Variants in EZH2 observed in about 807,000 individuals in gnomAD.
The protein encoded by EZH2 is histone-lysine N-methyltransferase EZH2.
EZH2 carries 18 observed loss-of-function variants against 98.4 expected under a neutral mutation model. The ratio of observed to expected loss-of-function variants is 0.18; its 90% CI spans 0.13 to 0.27. EZH2 has a LOEUF of 0.27. Ranked by LOEUF, EZH2 falls within the 10% of genes least tolerant of loss-of-function variation. EZH2 has a pLI of 1.00. For synonymous variants in EZH2, 338 were observed against 312.3 expected, an observed-to-expected ratio of 1.08 and a Z score of -0.87; for missense variants, 470 against 935.1, an observed-to-expected ratio of 0.50 and a Z score of 6.49.
chr7:148,814,521 T>C (rs1406118596), intron 14 of EZH2, among the ~76,000 whole-genome samples: 1 of 152,224 alleles, frequency 6.6e-6, no homozygotes, highest in Non-Finnish European at 1.5e-5. Flanking sequence ...ACTATGTTTA[T>C]GCTACATTCC....
intron 13 of EZH2, among the ~76,000 whole-genome samples, 193 bp from the exon 14 acceptor site, chr7:148,815,232 T>C (rs1263690994): frequency 1.3e-5 from 2 of 152,190 alleles, no homozygotes; most frequent in Non-Finnish European, 2.9e-5. Context: ...CAAGTGCTTA[T>C]GAGTTCCATC....
intron 3 of EZH2, among the ~76,000 whole-genome samples, chr7:148,842,720 G>A (rs1428144741): frequency 6.6e-6 from 1 of 151,884 alleles, no homozygotes; most frequent in African/African-American, 2.4e-5. Context: ...ATAATGCTTA[G>A]GTTCTATAAT....
intron 4 of EZH2, among the ~76,000 whole-genome samples, chr7:148,830,727 AAAG>A (rs377293282): frequency 8.5e-5 from 13 of 152,348 alleles, no homozygotes; most frequent in African/African-American, 1.7e-4. Context: ...AACAGAGAAG[AAAG>A]AAGAATAGCC....
intron 3 of EZH2, among the ~76,000 whole-genome samples, chr7:148,839,558 A>C (rs939769768): frequency 5.3e-5 from 8 of 151,552 alleles, no homozygotes; most frequent in African/African-American, 9.7e-5. Flanking sequence ...AACATATGAC[A>C]AAAAAAACTA....
intron 1 of EZH2, 92 bp from the exon 2 acceptor site, chr7:148,847,397 G>A: frequency 6.7e-7 from 1 of 1,494,556 alleles, no homozygotes; most frequent in Non-Finnish European, 9.2e-7. Flanking sequence ...AACAATCAGT[G>A]AAGAAATGAC....
In EZH2 at chr7:148,825,607, A is replaced by G. The variant is rs189960654; in HGVS notation, c.907+847T>C. 4.2e-3 allele frequency among the ~76,000 whole-genome samples: 634 copies of G among 152,300 alleles called. 1 individual carries two copies. Among genetic ancestry groups the G allele is most frequent in the Middle Eastern group, 0.01 (3 of 294 alleles). ...ACGTTATCATTGGTGAACGAGGAGG[A>G]ATAAATCTGTCAATGGTAGGCACAG... On this transcript the variant is annotated intron_variant, in intron 8 of 19. Transcript: ENST00000320356.
intron 9 of EZH2, chr7:148,819,162 A>C: frequency 2.4e-6 from 1 of 416,424 alleles, no homozygotes; most frequent in Non-Finnish European, 4.7e-6. Context: ...CATCATTTAA[A>C]AAAAAAAAAT....
intron 1 of EZH2, among the ~76,000 whole-genome samples, chr7:148,865,939 A>T (rs1462646813): frequency 6.6e-6 from 1 of 152,170 alleles, no homozygotes; most frequent in Non-Finnish European, 1.5e-5. Flanking sequence ...GGAAGTACCA[A>T]TGTCTGCAAA....
intron 1 of EZH2, among the ~76,000 whole-genome samples, chr7:148,876,987 G>A (rs557355159): frequency 1.3e-5 from 2 of 151,906 alleles, no homozygotes; most frequent in South Asian, 2.1e-4. Flanking sequence ...TCCATCTCTC[G>A]ATATTATAGT....
At chr7:148,833,470 A>T (rs1321587045) in intron 3 of EZH2, among the ~76,000 whole-genome samples, 3 of 24,814 alleles carry the variant, frequency 1.2e-4, no homozygotes, top group Admixed American at 4.6e-4. Context: ...AAAAAAAAAA[A>T]TAAAATAAAA....
intron 3 of EZH2, among the ~76,000 whole-genome samples, chr7:148,833,406 G>A (rs140190591): frequency 0.062 from 9,402 of 151,016 alleles, 397 homozygotes; most frequent in East Asian, 0.17. Flanking sequence ...GCAGTGAGTC[G>A]AGATCGCGCC....
chr7:148,882,541 A>G (rs1448489662), intron 1 of EZH2, among the ~76,000 whole-genome samples: 2 of 152,208 alleles, frequency 1.3e-5, no homozygotes, highest in African/African-American at 4.8e-5. Context: ...TCCTGCAAAT[A>G]AAATTACAAA....
At chr7:148,843,757 G>A (rs1474866307) in intron 3 of EZH2, among the ~76,000 whole-genome samples, 1 of 151,494 alleles carries the variant, frequency 6.6e-6, no homozygotes, top group South Asian at 2.1e-4. Context: ...TACCACGCCC[G>A]GCTAATTTTT....
At chr7:148,880,258 T>C (rs1324353085) in intron 1 of EZH2, among the ~76,000 whole-genome samples, 1 of 152,202 alleles carries the variant, frequency 6.6e-6, no homozygotes, top group African/African-American at 2.4e-5. Flanking sequence ...AATCTGTATT[T>C]AAATCATTTT....
At chr7:148,834,378 C>T (rs902365552) in intron 3 of EZH2, among the ~76,000 whole-genome samples, 2 of 131,220 alleles carry the variant, frequency 1.5e-5, no homozygotes, top group Admixed American at 7.4e-5. Context: ...CACACACACA[C>T]ACACATATTA....
chr7:148,843,869 A>G (rs1813227282), intron 3 of EZH2, among the ~76,000 whole-genome samples: 1 of 152,084 alleles, frequency 6.6e-6, no homozygotes, highest in Non-Finnish European at 1.5e-5. Flanking sequence ...TGCTGGGATT[A>G]CAGGCGTGAG....
At chr7:148,811,268 C>CCTTGCTCCCTTCCTGCT (rs1802999527) in intron 16 of EZH2, among the ~76,000 whole-genome samples, 1 of 152,170 alleles carries the variant, frequency 6.6e-6, no homozygotes, top group South Asian at 2.1e-4. Flanking sequence ...CTTCCTGCCT[C>CCTTGCTCCCTTCCTGCT]AGCTCCCAAG....
chr7:148,813,626 T>C (rs572786891), intron 15 of EZH2, among the ~76,000 whole-genome samples: 1 of 150,904 alleles, frequency 6.6e-6, no homozygotes, highest in Non-Finnish European at 1.5e-5. Context: ...GCATTAAGGA[T>C]ACTAGATAAA....
At chr7:148,846,060 A>C (rs1239141775) in intron 3 of EZH2, among the ~76,000 whole-genome samples, 2 of 152,236 alleles carry the variant, frequency 1.3e-5, no homozygotes, top group Non-Finnish European at 2.9e-5. Flanking sequence ...CCTTTGAACA[A>C]AATATATAAT....
Sources: gnomAD v4.1 joint callset for allele counts (sites outside exome capture counted in the v4.1 genomes callset) on GRCh38, gnomAD v4.1.1 for gene constraint, MANE v1.5 for transcripts, NCBI Gene and HGNC (gene_info 2026-07-23, HGNC 2026-07-21) for gene names.